Variants in PLXND1 observed in about 807,000 individuals in gnomAD.
PLXND1 encodes plexin-D1.
PLXND1 carries 54 observed loss-of-function variants against 197.7 expected under a neutral mutation model. The observed-to-expected ratio is 0.27, with a 90% CI of 0.22 to 0.34. The LOEUF is 0.34. Among genes scored for constraint, PLXND1 ranks in the 10% least tolerant of loss-of-function variants. The pLI is 1.00. For missense variants in PLXND1, 2,127 were observed against 2,699.2 expected (o/e 0.79, Z 4.70); for synonymous variants, 1,180 against 1,161.2 (o/e 1.02, Z -0.33).
Position 129,565,607 on chromosome 3 carries a change from G to C in PLXND1, c.4323-69C>G, listed in dbSNP as rs767322855. 4 of 1,362,140 alleles carry C rather than the reference G, an allele frequency of 2.9e-6. No individual in the cohort carries two copies. In the East Asian group the frequency reaches 9.6e-5, roughly 33 times the overall value. 84.4% of individuals were successfully genotyped at this position (1,362,140 alleles called of 1,614,324 possible). A position where few individuals can be genotyped will look rare whatever the true frequency, so the allele number is the denominator to read the frequency against. On this transcript the variant is annotated intron_variant, in intron 24 of 35. Transcript: ENST00000324093. ...GAGCTGTGGGTCCCAGGGTCTCAGT[G>C]CCGCCTCATCCCCGGGCCCATCGAT... is the stretch of plus-strand genomic sequence containing the variant.
intron 25 of PLXND1, among the ~76,000 whole-genome samples, chr3:129,564,546 G>C (rs2085110711): frequency 6.6e-6 from 1 of 152,230 alleles, no homozygotes; most frequent in Admixed American, 6.5e-5. Flanking sequence ...GCAGGCCTTT[G>C]CCTTTCTCCC....
chr3:129,560,195 C>A, intron 31 of PLXND1, 135 bp downstream of exon 31: 1 of 637,198 alleles, frequency 1.6e-6, no homozygotes, highest in East Asian at 2.8e-5. Context: ...CCCTCCAGCC[C>A]CACAGGGGAA....
intron 20 of PLXND1, 86 bp downstream of exon 20, chr3:129,569,757 C>A (rs2085195675): frequency 1.3e-6 from 1 of 765,856 alleles, no homozygotes. Context: ...TCCCATCCTG[C>A]CTTCTCCCAT....
chr3:129,558,357 G>A lies in PLXND1; in HGVS notation c.5445+71C>T, dbSNP rs541119832. 12 of 1,439,826 alleles carry A rather than the reference G, an allele frequency of 8.3e-6. No homozygotes were observed. The African/African-American group carries it at 1.4e-4, about 17-fold the overall frequency. 89.2% of individuals were successfully genotyped at this position (1,439,826 alleles called of 1,614,324 possible). On this transcript the variant is annotated intron_variant, in intron 33 of 35. Transcript: ENST00000324093. This position sits in a 1 kb window ranked among gnomAD's most constrained non-coding sequence, Gnocchi z 4.1. ...CTGAGCTCAGCCTCAGAGAGTCGAG[G>A]AGGCTACCCATGGTCGGCACCCCAC...
intron 20 of PLXND1, among the ~76,000 whole-genome samples, chr3:129,568,376 A>G (rs2085173415): frequency 6.6e-6 from 1 of 152,226 alleles, no homozygotes; most frequent in Admixed American, 6.5e-5. Context: ...GAGGGAAGAT[A>G]CAAAAATACA....
At position 129,605,595 on chromosome 3, in the gene PLXND1, C is replaced by A; in HGVS notation, c.1045G>T (p.Ala349Ser). Reference protein sequence around the residue: ...IQLGLQCAGGAGRGDLYSRLV... With the variant: ...IQLGLQCAGGSGRGDLYSRLV... ...CGGCTGTAGAGGTCGCCGCGGCCCG[C>A]GCCGCCCGCGCACTGCAAGCCCAAC... Residue 349 changes from alanine to serine, a missense_variant, in exon 1 of 36, where the codon GCG (alanine) becomes TCG (serine). By Grantham distance (99) the Ala-to-Ser change is moderately conservative. Transcript: ENST00000324093. 6.5e-7 allele frequency: 1 copy of A among 1,533,542 alleles called. No individual in the cohort carries two copies. The allele number at this position is 1,533,542 out of a possible 1,614,324, so 95.0% of individuals were successfully genotyped here.
chr3:129,572,487 G>A (rs2085248434), intron 15 of PLXND1, 122 bp downstream of exon 15: 4 of 815,646 alleles, frequency 4.9e-6, no homozygotes. Flanking sequence ...GCTTGGCTTA[G>A]GGGACACAGC....
Position 129,572,912 on chromosome 3 carries a change from C to T in PLXND1, c.2867G>A (p.Gly956Glu). 1 of 1,613,610 alleles carries T rather than the reference C, an allele frequency of 6.2e-7. No homozygotes were observed. The highest frequency in any genetic ancestry group is 1.3e-5 in the African/African-American group (1 of 75,050). ...CACGGTCACCACACCTGAGAGTGGT[C>T]CTGGGGCTGGCCCTGTGACACACAC... Reference protein sequence around the residue: ...EIVCVTGPAPGPLSGVVTVNA... With the variant: ...EIVCVTGPAPEPLSGVVTVNA... Residue 956 changes from glycine (G) to glutamate (E), a missense_variant, in exon 14 of 36, where the codon GGA (glycine) becomes GAA (glutamate). Coordinates refer to ENST00000324093, the MANE Select transcript of PLXND1 (RefSeq NM_015103.3).
At position 129,562,969 on chromosome 3, in the gene PLXND1, G is replaced by A. The variant is rs2085083601; in HGVS notation, c.4669-26C>T. ...CTGCAGGGGGAGAGTGGGAGAGAAA[G>A]GTCAGTGAGTTGCTGCCATCACTAT... On this transcript the variant is annotated intron_variant, in intron 26 of 35. Transcript: ENST00000324093. The A allele has an allele frequency of 2.5e-6, 4 of 1,602,312 alleles. No individual in the cohort carries two copies. In the African/African-American group the frequency reaches 4.0e-5, roughly 16 times the overall value.
chr3:129,584,040 C>T (rs1471605564), intron 7 of PLXND1, 85 bp downstream of exon 7: 4 of 845,410 alleles, frequency 4.7e-6, no homozygotes, highest in Non-Finnish European at 7.9e-6. Flanking sequence ...GATTTTTCTT[C>T]TCAGGGCCCC....
chr3:129,570,920 G>A lies in PLXND1; in HGVS notation c.3616C>T (p.Leu1206=). ...TLVIHKEQDS[L]GLQSHEYRVK... Reference sequence around the variant, plus strand: ...CGGTACTCGTGACTCTGGAGCCCCAGGCTGTCCTGCTCCTTCTGTGGGTGC... The same window carrying A: ...CGGTACTCGTGACTCTGGAGCCCCAAGCTGTCCTGCTCCTTCTGTGGGTGC... The change falls in exon 19 of 36, where the codon CTG becomes TTG. Residue 1206 remains leucine, a synonymous_variant. Coordinates refer to ENST00000324093, the MANE Select transcript of PLXND1 (RefSeq NM_015103.3). 1 of 1,614,236 alleles carries A rather than the reference G, an allele frequency of 6.2e-7. No individual in the cohort carries two copies. Among genetic ancestry groups the A allele is most frequent in the Non-Finnish European group, 8.5e-7 (1 of 1,180,042 alleles).
At chr3:129,602,272 C>T (rs561358897) in intron 1 of PLXND1, among the ~76,000 whole-genome samples, 7 of 152,322 alleles carry the variant, frequency 4.6e-5, no homozygotes, top group South Asian at 2.1e-4. Context: ...CTCCCAAGGA[C>T]GGTCTCCCCA....
chr3:129,578,505 C>A, intron 8 of PLXND1, 72 bp from the exon 9 acceptor site: 1 of 903,814 alleles, frequency 1.1e-6, no homozygotes, highest in Middle Eastern at 2.3e-4. Context: ...TCACTGCACC[C>A]CAGCCTGCCT....
chr3:129,571,861 G>A lies in PLXND1; in HGVS notation c.3078-17C>T, dbSNP rs749597526. The A allele has an allele frequency of 6.3e-7, 1 of 1,590,938 alleles. No homozygotes were observed. The highest frequency in any genetic ancestry group is 8.6e-7 in the Non-Finnish European group (1 of 1,168,950). The stretch of plus-strand genomic sequence containing the variant: ...TCTGTGCGCCTGGGGGGAGCAGCAG[G>A]TTATCAGCAGGGCCTGCCTTCTGCT... On this transcript the variant is annotated splice_polypyrimidine_tract_variant and intron_variant, in intron 15 of 35. Transcript: ENST00000324093.
In PLXND1 at chr3:129,559,277, G is replaced by C. The variant is rs996736667; in HGVS notation, c.5297+343C>G. ...CTACTGTCCCAGGCTGTGTGGTCTT[G>C]AGCAGGTGCTGCTTCTCCGAGCCTC... On this transcript the variant is annotated intron_variant, in intron 32 of 35. Transcript: ENST00000324093. 2.2e-5 allele frequency: 5 copies of C among 222,790 alleles called. No homozygotes were observed. The South Asian group carries it at 6.8e-4, about 30-fold the overall frequency. The allele number at this position is 222,790 out of a possible 1,614,324, so 13.8% of individuals were successfully genotyped here.
intron 15 of PLXND1, among the ~76,000 whole-genome samples, chr3:129,572,274 T>C (rs905840963): frequency 9.2e-5 from 14 of 152,152 alleles, no homozygotes; most frequent in Admixed American, 2.6e-4. Context: ...ACAAAGGTGT[T>C]TCGCCAACAG....
Position 129,563,078 on chromosome 3 carries a change from C to A in PLXND1, c.4668+16G>T. 6.2e-7 allele frequency: 1 copy of A among 1,613,332 alleles called. No homozygotes were observed. On this transcript the variant is annotated intron_variant, in intron 26 of 35. Transcript: ENST00000324093. ...GACACAGCAGCCCTGGGACCCTCCC[C>A]GCCCTGCCGACTTACCCGGGGCTTG...
At chr3:129,564,227 C>G (rs2085104899) in intron 25 of PLXND1, among the ~76,000 whole-genome samples, 1 of 152,258 alleles carries the variant, frequency 6.6e-6, no homozygotes, top group African/African-American at 2.4e-5. Flanking sequence ...CCCCAGGCTA[C>G]TTGGCCCTCA....
chr3:129,570,605 A>T (rs1355337713), intron 19 of PLXND1, 181 bp downstream of exon 19: 1 of 636,478 alleles, frequency 1.6e-6, no homozygotes, highest in Non-Finnish European at 2.8e-6. Flanking sequence ...GCAAGTCACT[A>T]AGTTCTTGGG....
Sources: gnomAD v4.1 joint callset for allele counts (sites outside exome capture counted in the v4.1 genomes callset) on GRCh38, gnomAD v4.1.1 for gene constraint, Gnocchi (gnomAD v3.1) non-coding constraint, MANE v1.5 for transcripts, NCBI Gene and HGNC (gene_info 2026-07-23, HGNC 2026-07-21) for gene names.